Variants in CTNNA3 observed in about 807,000 individuals in gnomAD.
CTNNA3 encodes catenin alpha 3.
Under a neutral mutation model 95.7 loss-of-function variants are expected in CTNNA3, and 76 were observed. The ratio of observed to expected loss-of-function variants is 0.79; its 90% confidence interval spans 0.66 to 0.96. The LOEUF (loss-of-function observed/expected upper bound fraction) is 0.96, where lower values mean the gene tolerates loss of function less well. Ranked by LOEUF, CTNNA3 falls within the 40% of genes least tolerant of loss-of-function variation. CTNNA3 has a pLI of 0.00. For missense variants in CTNNA3, 1,191 were observed against 1,089.8 expected (o/e 1.09, Z -1.31); for synonymous variants, 431 against 374.4 (o/e 1.15, Z -1.74).
intron 1 of CTNNA3, among the ~76,000 whole-genome samples, chr10:67,709,476 A>G (rs759426215): frequency 1.3e-4 from 20 of 152,160 alleles, no homozygotes; most frequent in Non-Finnish European, 2.4e-4. Context: ...TTGGACTGAC[A>G]AAGATTCCTT....
At chr10:66,505,867 A>C (rs1490691286) in intron 11 of CTNNA3, among the ~76,000 whole-genome samples, 1 of 152,204 alleles carries the variant, frequency 6.6e-6, no homozygotes, top group Non-Finnish European at 1.5e-5. Context: ...ACTATTTAAA[A>C]TTTCAGATGG....
chr10:66,248,872 T>C lies in CTNNA3; in HGVS notation c.1884+31598A>G, dbSNP rs149047730. ...AAATCAACAAAGAAAACTGGAGGACTCACATTATCTGATTTCAAATTATAT... is the reference window on the plus strand; with the variant it reads ...AAATCAACAAAGAAAACTGGAGGACCCACATTATCTGATTTCAAATTATAT... On this transcript the variant is annotated intron_variant, in intron 13 of 17. Transcript: ENST00000433211. 2.2e-4 allele frequency among the ~76,000 whole-genome samples: 34 copies of C among 152,186 alleles called. No individual in the cohort carries two copies. In the East Asian group the frequency reaches 6.6e-3, roughly 29 times the overall value.
At chr10:67,687,876 T>G (rs1226327035) in intron 1 of CTNNA3, among the ~76,000 whole-genome samples, 3 of 152,144 alleles carry the variant, frequency 2.0e-5, no homozygotes, top group African/African-American at 7.2e-5. Context: ...GGTCAACAGA[T>G]GTTTGCAACT....
At chr10:67,310,189 A>G (rs936816310) in intron 5 of CTNNA3, among the ~76,000 whole-genome samples, 1 of 152,228 alleles carries the variant, frequency 6.6e-6, no homozygotes, top group Non-Finnish European at 1.5e-5. Flanking sequence ...TGCAAAGTTC[A>G]TAAGATTGTT....
chr10:66,424,287 T>C (rs2093221214), intron 11 of CTNNA3, among the ~76,000 whole-genome samples: 1 of 152,038 alleles, frequency 6.6e-6, no homozygotes, highest in Admixed American at 6.6e-5. Flanking sequence ...TTTTTGTTTA[T>C]TTTACATTAA....
intron 7 of CTNNA3, among the ~76,000 whole-genome samples, chr10:67,006,750 T>G (rs1345071832): frequency 1.3e-5 from 2 of 152,140 alleles, no homozygotes; most frequent in African/African-American, 2.4e-5. Flanking sequence ...GTTCAAATTC[T>G]GTTTGATACA....
chr10:67,624,976 CT>C (rs1411898403), intron 2 of CTNNA3, among the ~76,000 whole-genome samples: 2 of 152,126 alleles, frequency 1.3e-5, no homozygotes, highest in African/African-American at 4.8e-5. Context: ...CTCTGTCTTT[CT>C]GTGAAGAGTC....
At chr10:67,189,988 T>C (rs1272931107) in intron 6 of CTNNA3, among the ~76,000 whole-genome samples, 2 of 152,226 alleles carry the variant, frequency 1.3e-5, no homozygotes, top group Non-Finnish European at 1.5e-5. Flanking sequence ...ATGTGGGGAA[T>C]GTCTTATATT....
At chr10:67,409,252 T>G (rs1025789358) in intron 5 of CTNNA3, among the ~76,000 whole-genome samples, 1 of 152,110 alleles carries the variant, frequency 6.6e-6, no homozygotes, top group African/African-American at 2.4e-5. Flanking sequence ...CCCAAAGGAT[T>G]ATAAATCATG....
intron 5 of CTNNA3, among the ~76,000 whole-genome samples, chr10:67,402,632 C>A (rs1844965989): frequency 6.6e-6 from 1 of 152,138 alleles, no homozygotes. Flanking sequence ...GCCAAGGGAA[C>A]CCCCACCCCA....
intron 5 of CTNNA3, among the ~76,000 whole-genome samples, chr10:67,221,572 T>G (rs1864659451): frequency 6.6e-6 from 1 of 151,890 alleles, no homozygotes; most frequent in South Asian, 2.1e-4. Flanking sequence ...TAGGAAAAAT[T>G]TTTTTCTTTT....
At chr10:67,013,031 T>C (rs1852439566) in intron 7 of CTNNA3, 1 of 152,138 alleles carries the variant, frequency 6.6e-6, no homozygotes, top group Non-Finnish European at 1.5e-5. Flanking sequence ...CACTAGGTAA[T>C]ATTCTTTAAG....
intron 1 of CTNNA3, among the ~76,000 whole-genome samples, chr10:67,668,210 G>A (rs974662821): frequency 6.6e-6 from 1 of 150,726 alleles, no homozygotes; most frequent in Non-Finnish European, 1.5e-5. Flanking sequence ...ATAACGCTTA[G>A]GGGTAGGGAG....
intron 11 of CTNNA3, among the ~76,000 whole-genome samples, chr10:66,486,705 A>C (rs1418810996): frequency 2.0e-5 from 3 of 152,170 alleles, no homozygotes; most frequent in African/African-American, 7.2e-5. Flanking sequence ...AGCCAAAGGA[A>C]TTAAAATCAG....
intron 11 of CTNNA3, among the ~76,000 whole-genome samples, chr10:66,381,071 G>T (rs569002634): frequency 5.9e-4 from 89 of 151,998 alleles, no homozygotes; most frequent in African/African-American, 2.1e-3. Context: ...CATAATTTTT[G>T]AAAAAAGAAA....
chr10:67,487,257 T>C (rs1392752755), intron 5 of CTNNA3, among the ~76,000 whole-genome samples: 2 of 152,352 alleles, frequency 1.3e-5, no homozygotes, highest in Non-Finnish European at 2.9e-5. Context: ...ATAACTGTTA[T>C]AGGTTTTGAC....
chr10:66,774,000 A>G (rs1469278505), intron 8 of CTNNA3, among the ~76,000 whole-genome samples: 1 of 152,198 alleles, frequency 6.6e-6, no homozygotes, highest in Non-Finnish European at 1.5e-5. Context: ...CTGAAATTCA[A>G]ATTTAACTGG....
Position 67,319,578 on chromosome 10 carries a change from C to T in CTNNA3, c.580-99708G>A, listed in dbSNP as rs140699595. On this transcript the variant is annotated intron_variant, in intron 5 of 17. Transcript: ENST00000433211. Reference sequence around the variant, plus strand: ...GGTAAGGACTCCTTTCCAAGATGCTCTCCTTATAATTTGAAGATTCAAAAT... The same window carrying T: ...GGTAAGGACTCCTTTCCAAGATGCTTTCCTTATAATTTGAAGATTCAAAAT... Among the ~76,000 whole-genome samples, 44 of 152,252 alleles carry T rather than the reference C, an allele frequency of 2.9e-4. No homozygotes were observed. The East Asian group carries it at 5.2e-3, about 18-fold the overall frequency.
At chr10:67,031,519 A>G (rs1853725861) in intron 7 of CTNNA3, among the ~76,000 whole-genome samples, 1 of 152,240 alleles carries the variant, frequency 6.6e-6, no homozygotes, top group South Asian at 2.1e-4. Context: ...AAAAAGGAAT[A>G]CTGCCAAGTA....
Sources: gnomAD v4.1 joint callset for allele counts (sites outside exome capture counted in the v4.1 genomes callset) on GRCh38, gnomAD v4.1.1 for gene constraint, MANE v1.5 for transcripts, NCBI Gene and HGNC (gene_info 2026-07-23, HGNC 2026-07-21) for gene names.